The following ANO1 variants were observed in gnomAD, a reference collection of about 807,000 sequenced individuals.
The protein encoded by ANO1 is anoctamin 1, also known as anoctamin-1.
Under a neutral mutation model 124.0 loss-of-function variants are expected in ANO1, and 59 were observed. The ratio of observed to expected loss-of-function variants is 0.48; its 90% CI spans 0.39 to 0.59. ANO1 has a LOEUF of 0.59. Ranked by LOEUF, ANO1 falls within the 20% of genes least tolerant of loss-of-function variation. ANO1 has a pLI of 0.00. For synonymous variants in ANO1, 529 were observed against 532.0 expected (o/e 0.99, Z 0.08); for missense variants, 1,059 against 1,328.0 (o/e 0.80, Z 3.15).
chr11:70,023,510 G>A (rs1311190555), intron 1 of ANO1, among the ~76,000 whole-genome samples: 1 of 152,288 alleles, frequency 6.6e-6, no homozygotes, highest in African/African-American at 2.4e-5. Context: ...TTTTGGGTGG[G>A]AGTAGGGGCA....
chr11:70,038,659 G>GC (rs1284433902), intron 1 of ANO1, among the ~76,000 whole-genome samples: 1 of 152,110 alleles, frequency 6.6e-6, no homozygotes, highest in East Asian at 1.9e-4. Context: ...TATTGCAGTG[G>GC]CCCCCAGGGA....
chr11:70,070,974 G>T (rs12419702), intron 1 of ANO1, among the ~76,000 whole-genome samples: 14,140 of 152,134 alleles, frequency 0.093, 980 homozygotes, highest in Admixed American at 0.18. Flanking sequence ...TTACCCAACC[G>T]CATCGCTTCC....
intron 22 of ANO1, among the ~76,000 whole-genome samples, chr11:70,173,132 T>G (rs1159422781): frequency 6.6e-6 from 1 of 152,158 alleles, no homozygotes; most frequent in African/African-American, 2.4e-5. Context: ...CTCTTACGCT[T>G]GGCTGTCTTG....
intron 1 of ANO1, among the ~76,000 whole-genome samples, chr11:69,994,818 A>G (rs1167432946): frequency 6.6e-6 from 1 of 152,148 alleles, no homozygotes; most frequent in Non-Finnish European, 1.5e-5. Flanking sequence ...GTGAGTTCAG[A>G]CTGCTTTTCA....
chr11:70,125,915 C>A (rs188407481), intron 9 of ANO1, 146 bp from the exon 10 acceptor site: 3 of 900,444 alleles, frequency 3.3e-6, no homozygotes, highest in Non-Finnish European at 4.9e-6. Flanking sequence ...CCTGATGGGG[C>A]GGCCCAGGAC....
chr11:70,010,198 T>A (rs570131405), intron 1 of ANO1, among the ~76,000 whole-genome samples: 1 of 137,500 alleles, frequency 7.3e-6, no homozygotes, highest in African/African-American at 2.7e-5. Flanking sequence ...TATATATATA[T>A]CACATTTTCT....
intron 18 of ANO1, among the ~76,000 whole-genome samples, chr11:70,162,823 G>A (rs920272458): frequency 4.6e-5 from 7 of 152,222 alleles, no homozygotes; most frequent in Non-Finnish European, 8.8e-5. Flanking sequence ...AGAAAGCCGA[G>A]AGGTTGTCTA....
chr11:69,972,463 T>G, the ANO1 span, among the ~76,000 whole-genome samples: 2 of 152,242 alleles, frequency 1.3e-5, no homozygotes, highest in East Asian at 1.9e-4. Context: ...AACGCCTCGT[T>G]TCCTGGGAGG....
chr11:70,016,097 G>T (rs2001396), intron 1 of ANO1, among the ~76,000 whole-genome samples: 1 of 150,868 alleles, frequency 6.6e-6, no homozygotes, highest in Non-Finnish European at 1.5e-5. Context: ...GTGCAATCTC[G>T]GTTCACCGCA....
rs754584504 is a variant in ANO1, at chr11:70,187,767, G to A, written c.2724G>A (p.Val908=). ...TGGTCATGTTCATGAGCGACTTTGT[G>A]GACTGGGTCATCCCGGACATCCCCA... The part of the protein sequence containing the change: ...QNLVMFMSDF[V]DWVIPDIPKD... Residue 908 remains valine, a synonymous_variant, in exon 26 of 26, where the codon GTG becomes GTA. Transcript: ENST00000355303. 5 of 1,609,468 alleles carry A rather than the reference G, an allele frequency of 3.1e-6. No homozygotes were observed. Among genetic ancestry groups the A allele is most frequent in the Non-Finnish European group, 4.2e-6 (5 of 1,178,156 alleles).
upstream of ANO1, among the ~76,000 whole-genome samples, chr11:69,983,456 G>A (rs930457746): frequency 3.9e-5 from 6 of 152,328 alleles, no homozygotes; most frequent in Middle Eastern, 3.4e-3. Context: ...CCCCGAGCCA[G>A]TGCACTGGCC....
Position 70,087,842 on chromosome 11 carries a change from G to A in ANO1, c.199G>A (p.Val67Met), listed in dbSNP as rs1180892538. ...CCGGCGCAAGGTGGACTACATCCTG[G>A]TGTACCATCACAAGAGGCCCTCGGG... ...DGRRKVDYIL[V>M]YHHKRPSGNR... The change falls in exon 2 of 26, where the codon GTG becomes ATG. Residue 67 changes from valine (V) to methionine (M), a missense_variant. Val to Met is a conservative substitution (Grantham distance 21). This residue lies in a region of ANO1 where 250 missense variants were observed against 233.1 expected (regional missense o/e 1.07). Transcript: ENST00000355303. The A allele has an allele frequency of 2.5e-6, 4 of 1,613,108 alleles. No individual in the cohort carries two copies. Among genetic ancestry groups the A allele is most frequent in the South Asian group, 1.1e-5 (1 of 90,974 alleles).
intron 1 of ANO1, among the ~76,000 whole-genome samples, chr11:70,080,966 A>G (rs2044182965): frequency 6.6e-6 from 1 of 152,162 alleles, no homozygotes; most frequent in African/African-American, 2.4e-5. Context: ...ACCCTGAGTC[A>G]CCCAACGAAG....
intron 1 of ANO1, among the ~76,000 whole-genome samples, chr11:70,045,804 G>T: frequency 6.6e-6 from 1 of 152,208 alleles, no homozygotes; most frequent in East Asian, 1.9e-4. Flanking sequence ...CTCCTGTGTT[G>T]TGTGAGATGG....
intron 3 of ANO1, 101 bp downstream of exon 3, chr11:70,103,265 A>T (rs1261783352): frequency 3.3e-5 from 25 of 759,132 alleles, no homozygotes; most frequent in Admixed American, 1.2e-4. Context: ...TGAGTTTTAT[A>T]AAAAAAAAAC....
At chr11:70,094,107 G>A (rs773585299) in intron 2 of ANO1, among the ~76,000 whole-genome samples, 1 of 152,196 alleles carries the variant, frequency 6.6e-6, no homozygotes, top group East Asian at 1.9e-4. Context: ...GGCTGTAAAC[G>A]CCCCTTACCC....
Position 70,108,400 on chromosome 11 carries a change from C to G in ANO1, c.795C>G (p.Ser265Arg). Residue 265 changes from serine (S) to arginine (R), a missense_variant, in exon 6 of 26, where the codon AGC becomes AGG. This residue lies in a region of ANO1 where 809 missense variants were observed against 1,094.9 expected (regional missense o/e 0.74). Coordinates refer to ENST00000355303, the MANE Select transcript of ANO1 (RefSeq NM_018043.7). Reference sequence around the variant, plus strand: ...CGACGTGTACAAAGGCCAAGTACAGCATGGGTAAGCACGTTTTTGGGGCTT... The same window carrying G: ...CGACGTGTACAAAGGCCAAGTACAGGATGGGTAAGCACGTTTTTGGGGCTT... ...KRTTCTKAKY[S>R]MGITSLLANG... 5 of 1,611,736 alleles carry G rather than the reference C, an allele frequency of 3.1e-6. No homozygotes were observed. Among genetic ancestry groups the G allele is most frequent in the Non-Finnish European group, 4.2e-6 (5 of 1,178,310 alleles).
chr11:69,969,153 G>T, the ANO1 span, among the ~76,000 whole-genome samples: 4 of 152,220 alleles, frequency 2.6e-5, no homozygotes, highest in Admixed American at 6.5e-5. Context: ...TGCAAGGGCT[G>T]CAGGGCCACG....
chr11:70,184,757 G>C (rs1051076088), intron 24 of ANO1, among the ~76,000 whole-genome samples: 17 of 152,126 alleles, frequency 1.1e-4, no homozygotes, highest in Admixed American at 3.9e-4. Flanking sequence ...TGTTTGGTTT[G>C]CTTTTTTTAG....
Sources: gnomAD v4.1 joint callset for allele counts (sites outside exome capture counted in the v4.1 genomes callset) on GRCh38, gnomAD v4.1.1 for gene constraint, gnomAD v4.1.1 regional missense constraint, MANE v1.5 for transcripts, NCBI Gene and HGNC (gene_info 2026-07-23, HGNC 2026-07-21) for gene names.